TRAK1: variants seen among roughly 807,000 people sequenced by gnomAD.
TRAK1 encodes the protein trafficking kinesin protein 1, also known as trafficking kinesin-binding protein 1.
TRAK1 carries 33 observed loss-of-function variants against 92.1 expected under a neutral mutation model. The ratio of observed to expected loss-of-function variants is 0.36; its 90% CI spans 0.27 to 0.48. TRAK1 has a LOEUF of 0.48. Ranked by LOEUF, TRAK1 falls within the 20% of genes least tolerant of loss-of-function variation. TRAK1 has a pLI of 0.99. For synonymous variants in TRAK1, 521 were observed against 517.3 expected (o/e 1.01, Z -0.10); for missense variants, 1,123 against 1,257.9 (o/e 0.89, Z 1.62).
Position 42,176,906 on chromosome 3 carries a change from G to A in TRAK1, c.363+16G>A, listed in dbSNP as rs373727209. Reference sequence around the variant, plus strand: ...TCTTGAGGAGGTAAGTGCTCCAGGGGAAGGCAAAAGAGTTGTTTATAATTG... The same window carrying A: ...TCTTGAGGAGGTAAGTGCTCCAGGGAAAGGCAAAAGAGTTGTTTATAATTG... On this transcript the variant is annotated intron_variant, in intron 3 of 15. Transcript: ENST00000327628. 8.2e-5 allele frequency: 132 copies of A among 1,611,404 alleles called. No homozygotes were observed. The highest frequency in any genetic ancestry group is 3.0e-4 in the Admixed American group (18 of 59,974).
intron 2 of TRAK1, among the ~76,000 whole-genome samples, chr3:42,158,571 CTTTTTTTTTT>C (rs10522929): frequency 6.8e-6 from 1 of 147,344 alleles, no homozygotes; most frequent in African/African-American, 2.6e-5. Flanking sequence ...ATTTCTACAC[CTTTTTTTTTT>C]TTTTTTTTTT....
At chr3:42,147,472 G>T (rs1699455447) in intron 2 of TRAK1, among the ~76,000 whole-genome samples, 1 of 152,330 alleles carries the variant, frequency 6.6e-6, no homozygotes, top group South Asian at 2.1e-4. Flanking sequence ...TACATTTTCT[G>T]AACTTTTCTG....
chr3:42,052,731 G>A (rs1350315080), intron 1 of TRAK1, among the ~76,000 whole-genome samples: 1 of 152,136 alleles, frequency 6.6e-6, no homozygotes, highest in African/African-American at 2.4e-5. Flanking sequence ...TGCAGGATGT[G>A]CATTTAATCT....
At chr3:42,047,009 T>C (rs933377781) in intron 1 of TRAK1, among the ~76,000 whole-genome samples, 4 of 152,158 alleles carry the variant, frequency 2.6e-5, no homozygotes, top group African/African-American at 9.7e-5. Flanking sequence ...CTCATAGATT[T>C]ATCTAATTTA....
chr3:42,141,815 GATGTCA>G (rs1475879971), intron 2 of TRAK1, among the ~76,000 whole-genome samples: 1 of 152,154 alleles, frequency 6.6e-6, no homozygotes, highest in Non-Finnish European at 1.5e-5. Flanking sequence ...AATCCAGGAT[GATGTCA>G]TCTCAAGACT....
intron 2 of TRAK1, among the ~76,000 whole-genome samples, chr3:42,172,399 T>C (rs972207785): frequency 9.2e-5 from 14 of 152,170 alleles, no homozygotes; most frequent in Non-Finnish European, 1.9e-4. Flanking sequence ...TACCTCCCAC[T>C]CAGTTTTAGT....
chr3:42,220,474 T>A, intron 15 of TRAK1: 1 of 985,352 alleles, frequency 1.0e-6, no homozygotes, highest in Non-Finnish European at 1.2e-6. Flanking sequence ...AGGGAGCACC[T>A]TAAACTATGA....
chr3:42,015,135 C>A (rs1211099419), intron 1 of TRAK1, among the ~76,000 whole-genome samples: 3 of 152,166 alleles, frequency 2.0e-5, no homozygotes, highest in African/African-American at 7.2e-5. Flanking sequence ...GAGAGTTGGA[C>A]CTGGAGTGAC....
intron 2 of TRAK1, chr3:42,149,306 C>T (rs1699681732): frequency 7.1e-7 from 1 of 1,411,176 alleles, no homozygotes; most frequent in Non-Finnish European, 9.2e-7. Flanking sequence ...CTGCAAATTG[C>T]CTTCCTTTCT....
chr3:42,170,254 A>G (rs1335726363), intron 2 of TRAK1, among the ~76,000 whole-genome samples: 3 of 152,172 alleles, frequency 2.0e-5, no homozygotes, highest in African/African-American at 4.8e-5. Flanking sequence ...AAGGACATCT[A>G]TTTTGTAATG....
chr3:42,162,511 C>CA (rs1187215674), intron 2 of TRAK1, among the ~76,000 whole-genome samples: 5 of 151,996 alleles, frequency 3.3e-5, no homozygotes, highest in Admixed American at 1.3e-4. Flanking sequence ...ATAGATAATG[C>CA]ATTTTCTAAT....
intron 1 of TRAK1, among the ~76,000 whole-genome samples, chr3:42,078,359 C>G (rs1377898635): frequency 6.6e-6 from 1 of 152,148 alleles, no homozygotes; most frequent in Non-Finnish European, 1.5e-5. Context: ...AACTATTAAT[C>G]CCTTGACCTT....
intron 1 of TRAK1, among the ~76,000 whole-genome samples, chr3:42,030,361 C>T (rs1418798735): frequency 2.1e-5 from 1 of 46,656 alleles, no homozygotes; most frequent in South Asian, 9.7e-4. Flanking sequence ...GACCCTGTCT[C>T]TAAAAAAAAA....
intron 5 of TRAK1, 119 bp from the exon 6 acceptor site, chr3:42,188,897 G>A: frequency 1.5e-6 from 1 of 689,508 alleles, no homozygotes; most frequent in South Asian, 1.8e-5. Context: ...CTGGGGTTGG[G>A]AGAGCCGTCT....
At chr3:42,199,341 G>C in intron 11 of TRAK1, 88 bp downstream of exon 11, 1 of 1,311,740 alleles carries the variant, frequency 7.6e-7, no homozygotes, top group East Asian at 2.4e-5. Context: ...TTGAGGCTCT[G>C]GGTACCGACA....
chr3:42,030,553 A>T (rs139581646), intron 1 of TRAK1, among the ~76,000 whole-genome samples: 1 of 148,968 alleles, frequency 6.7e-6, no homozygotes, highest in Admixed American at 6.7e-5. Context: ...TATGCCTGTA[A>T]TCCCAGCTAT....
intron 2 of TRAK1, among the ~76,000 whole-genome samples, chr3:42,168,787 G>A (rs1702179201): frequency 6.6e-6 from 1 of 151,860 alleles, no homozygotes; most frequent in Non-Finnish European, 1.5e-5. Context: ...GTCCAGGCTG[G>A]TCTCAAACTC....
chr3:42,222,849 C>T (rs972863508), intron 15 of TRAK1, 93 bp from the exon 16 acceptor site: 13 of 1,370,994 alleles, frequency 9.5e-6, no homozygotes, highest in South Asian at 5.2e-5. Context: ...TGTCCTGGGT[C>T]GTCCCTACCC....
At chr3:42,140,208 G>A (rs1024802652) in intron 2 of TRAK1, among the ~76,000 whole-genome samples, 3 of 152,206 alleles carry the variant, frequency 2.0e-5, no homozygotes, top group South Asian at 2.1e-4. Flanking sequence ...TCCCCTGGAG[G>A]TGGGTTGGTG....
Sources: gnomAD v4.1 joint callset for allele counts (sites outside exome capture counted in the v4.1 genomes callset) on GRCh38, gnomAD v4.1.1 for gene constraint, MANE v1.5 for transcripts, NCBI Gene and HGNC (gene_info 2026-07-23, HGNC 2026-07-21) for gene names.